Variants in ZBED6 observed in about 807,000 individuals in gnomAD.
The protein encoded by ZBED6 is zinc finger BED-type containing 6.
In ZBED6, 40 loss-of-function variants were observed where a neutral mutation model predicts 58.4. The ratio of observed to expected loss-of-function variants is 0.68; its 90% confidence interval spans 0.53 to 0.89. The LOEUF is 0.89. Among genes scored for constraint, ZBED6 ranks in the 40% least tolerant of loss-of-function variants. The pLI, the probability that ZBED6 is intolerant of heterozygous loss-of-function variation, is 0.00. For synonymous variants in ZBED6, 439 were observed against 350.6 expected (o/e 1.25, Z -2.82); for missense variants, 1,057 against 1,003.9 (o/e 1.05, Z -0.71).
At chr1:203,805,930 T>C in intron 1 of ZBED6, 1 of 657,180 alleles carries the variant, frequency 1.5e-6, no homozygotes, top group East Asian at 3.6e-5. Context: ...CTTCATTTCC[T>C]TTGCTCCCAG....
intron 3 of ZBED6, 72 bp downstream of exon 3, chr1:203,818,761 A>G (rs2102802471): frequency 1.2e-6 from 2 of 1,604,928 alleles, no homozygotes; most frequent in East Asian, 4.5e-5. Flanking sequence ...ATATAGGGAC[A>G]AAAGTGACTT....
chr1:203,833,967 G>A (rs890203754), intron 9 of ZBED6, 114 bp downstream of exon 9: 8 of 1,407,168 alleles, frequency 5.7e-6, no homozygotes, highest in Non-Finnish European at 7.4e-6. Context: ...TGTATTGGCT[G>A]AAAGCACTTA....
At chr1:203,806,737 T>C (rs1203700032) in intron 1 of ZBED6, among the ~76,000 whole-genome samples, 1 of 152,118 alleles carries the variant, frequency 6.6e-6, no homozygotes, top group Non-Finnish European at 1.5e-5. Context: ...ATATTGCATA[T>C]GCTGATGATT....
intron 12 of ZBED6, among the ~76,000 whole-genome samples, 199 bp downstream of exon 12, chr1:203,847,886 C>T (rs1285775320): frequency 6.6e-6 from 1 of 152,112 alleles, no homozygotes; most frequent in Non-Finnish European, 1.5e-5. Flanking sequence ...GACAGAGTCT[C>T]ACTCTGTCAC....
Position 203,852,556 on chromosome 1 carries a change from T to C in ZBED6, c.*5289T>C. On this transcript the variant is annotated 3_prime_UTR_variant, in exon 17 of 17. Coordinates refer to ENST00000550078, the Ensembl canonical transcript of ZBED6. ...ATTATCTGTATGTGTCCTGGATTCC[T>C]TGGGGTCAGATTTTTAAAGTTACTT... 5 of 770,086 alleles carry C rather than the reference T, an allele frequency of 6.5e-6. No homozygotes were observed. The South Asian group carries it at 7.7e-5, about 12-fold the overall frequency. 47.7% of individuals were successfully genotyped at this position (770,086 alleles called of 1,614,324 possible).
chr1:203,800,544 A>C, exon 1 of ZBED6: 1 of 1,306,120 alleles, frequency 7.7e-7, no homozygotes, highest in Non-Finnish European at 1.0e-6. Context: ...TATAATCATT[A>C]TCTTTATAAA....
At chr1:203,850,270 T>C in intron 14 of ZBED6, 1 of 655,740 alleles carries the variant, frequency 1.5e-6, no homozygotes, top group African/African-American at 1.8e-5. Flanking sequence ...TTTCCTCTGG[T>C]ATTGAATAAA....
At chr1:203,807,039 GTTAT>G (rs1672647674) in intron 1 of ZBED6, among the ~76,000 whole-genome samples, 1 of 151,612 alleles carries the variant, frequency 6.6e-6, no homozygotes, top group African/African-American at 2.4e-5. Context: ...ATTATGTAGT[GTTAT>G]TTATTTTATT....
intron 3 of ZBED6, among the ~76,000 whole-genome samples, chr1:203,819,491 G>C (rs1677673545): frequency 6.6e-6 from 1 of 150,490 alleles, no homozygotes; most frequent in Non-Finnish European, 1.5e-5. Context: ...GAAAGTGCTG[G>C]GATTACATGC....
At chr1:203,832,831 TAC>T (rs1338348299) in intron 8 of ZBED6, among the ~76,000 whole-genome samples, 17 of 152,176 alleles carry the variant, frequency 1.1e-4, no homozygotes, top group African/African-American at 4.1e-4. Context: ...CGGAGTAGAG[TAC>T]AGTTTCATTC....
intron 11 of ZBED6, 140 bp downstream of exon 11, chr1:203,840,514 A>G: frequency 2.6e-6 from 2 of 771,222 alleles, no homozygotes; most frequent in South Asian, 2.0e-5. Context: ...TAAGTAATTG[A>G]TCAAGTCAGC....
chr1:203,830,587 C>T (rs913720712), intron 7 of ZBED6, among the ~76,000 whole-genome samples: 5 of 152,142 alleles, frequency 3.3e-5, no homozygotes, highest in African/African-American at 9.6e-5. Context: ...CCGAGGAGGG[C>T]GAATCATGAG....
exon 4 of ZBED6, chr1:203,828,320 T>C (rs769960409): frequency 6.2e-7 from 1 of 1,614,124 alleles, no homozygotes; most frequent in Non-Finnish European, 8.5e-7. Context: ...TGAAATTCCT[T>C]GTTATTGGGA....
chr1:203,801,557 T>A (rs1670565223), exon 1 of ZBED6: 1 of 152,618 alleles, frequency 6.6e-6, no homozygotes, highest in African/African-American at 2.4e-5. Flanking sequence ...TCCCAATTTT[T>A]CCTTTTTTTC....
exon 1 of ZBED6, chr1:203,801,257 A>G (rs941714792): frequency 3.9e-5 from 6 of 152,170 alleles, no homozygotes; most frequent in African/African-American, 1.2e-4. Context: ...CCCAGTAGAC[A>G]TTTCCCAAAG....
At position 203,820,858 on chromosome 1, in the gene ZBED6, A is replaced by G. The variant is rs538292649; in HGVS notation, c.*2873+2169A>G. Among the ~76,000 whole-genome samples the G allele has an allele frequency of 4.6e-5, 7 of 152,262 alleles. No homozygotes were observed. The East Asian group carries it at 1.2e-3, about 25-fold the overall frequency. Reference sequence around the variant, plus strand: ...TGGTGATGTTAACTTTGATCACTCAATTAAGATGGTATCTGCCAGATTGCT... The same window carrying G: ...TGGTGATGTTAACTTTGATCACTCAGTTAAGATGGTATCTGCCAGATTGCT... On this transcript the variant is annotated intron_variant, in intron 3 of 16. Coordinates refer to ENST00000550078, the Ensembl canonical transcript of ZBED6.
At chr1:203,821,811 G>T (rs568434471) in intron 3 of ZBED6, among the ~76,000 whole-genome samples, 3 of 151,312 alleles carry the variant, frequency 2.0e-5, no homozygotes, top group South Asian at 4.2e-4. Context: ...AGGCTGGAGT[G>T]CAGTGGCGCG....
chr1:203,831,337 C>T (rs1231769184), intron 7 of ZBED6, among the ~76,000 whole-genome samples: 1 of 152,154 alleles, frequency 6.6e-6, no homozygotes, highest in African/African-American at 2.4e-5. Context: ...TGGATTGATA[C>T]ACCTGATGGC....
chr1:203,843,835 T>C (rs1163531461), intron 11 of ZBED6, among the ~76,000 whole-genome samples: 6 of 152,182 alleles, frequency 3.9e-5, no homozygotes, highest in Admixed American at 6.5e-5. Flanking sequence ...CTCTTATTTT[T>C]TTTTCTTTAT....
Sources: allele counts gnomAD v4.1 joint callset (sites outside exome capture counted in the v4.1 genomes callset), GRCh38; gene constraint gnomAD v4.1.1; transcripts MANE v1.5; gene names NCBI Gene and HGNC (gene_info 2026-07-23, HGNC 2026-07-21).